Variants in CSMD1 observed in about 807,000 individuals in gnomAD.
The protein encoded by CSMD1 is CUB and sushi domain-containing protein 1.
Under a neutral mutation model 417.5 loss-of-function variants are expected in CSMD1, and 213 were observed. That is an observed-to-expected ratio of 0.51 (90% CI 0.46 to 0.57). The LOEUF is 0.57. Among genes scored for constraint, CSMD1 ranks in the 20% least tolerant of loss-of-function variants. The pLI is 0.00. For synonymous variants in CSMD1, 2,862 were observed against 1,736.8 expected (o/e 1.65, Z -16.11); for missense variants, 6,923 against 4,529.7 (o/e 1.53, Z -15.17).
chr8:4,981,269 C>G (rs920429394), intron 1 of CSMD1, among the ~76,000 whole-genome samples: 2 of 152,204 alleles, frequency 1.3e-5, no homozygotes, highest in African/African-American at 4.8e-5. Flanking sequence ...CATTTAAGCT[C>G]TGTCCAACTT....
At chr8:4,585,610 A>G (rs1799660121) in intron 2 of CSMD1, among the ~76,000 whole-genome samples, 1 of 152,164 alleles carries the variant, frequency 6.6e-6, no homozygotes, top group South Asian at 2.1e-4. Flanking sequence ...AAAGAGAAAA[A>G]TTTTAATCAT....
intron 2 of CSMD1, among the ~76,000 whole-genome samples, chr8:4,545,989 C>G (rs553886660): frequency 6.6e-6 from 1 of 152,122 alleles, no homozygotes; most frequent in Non-Finnish European, 1.5e-5. Flanking sequence ...CTTATGACCC[C>G]CTTCTACTGC....
chr8:4,703,832 G>C (rs1807740716), intron 1 of CSMD1, among the ~76,000 whole-genome samples: 1 of 152,148 alleles, frequency 6.6e-6, no homozygotes, highest in African/African-American at 2.4e-5. Context: ...TTTGGCACCA[G>C]GGACCAGTTC....
chr8:3,674,382 C>A (rs996267020), intron 7 of CSMD1, among the ~76,000 whole-genome samples: 4 of 151,942 alleles, frequency 2.6e-5, no homozygotes, highest in African/African-American at 9.7e-5. Flanking sequence ...TAAGTAGAAG[C>A]CATAATTTCC....
At chr8:3,546,668 G>A (rs1056595832) in intron 10 of CSMD1, among the ~76,000 whole-genome samples, 4 of 152,134 alleles carry the variant, frequency 2.6e-5, no homozygotes, top group East Asian at 1.9e-4. Context: ...TCATCAATGG[G>A]TAAAGATTGT....
At chr8:4,417,869 T>A (rs973157502) in intron 3 of CSMD1, among the ~76,000 whole-genome samples, 3 of 152,030 alleles carry the variant, frequency 2.0e-5, no homozygotes, top group Admixed American at 2.0e-4. Context: ...CCCATGACAT[T>A]TCCTTGGAAA....
chr8:3,260,616 C>G (rs1255093241), intron 26 of CSMD1, among the ~76,000 whole-genome samples: 1 of 151,198 alleles, frequency 6.6e-6, no homozygotes, highest in Non-Finnish European at 1.5e-5. Context: ...GAGGATGGCT[C>G]CAGTGCTTAG....
intron 3 of CSMD1, among the ~76,000 whole-genome samples, chr8:4,094,575 T>G (rs1317770978): frequency 6.6e-6 from 1 of 152,044 alleles, no homozygotes; most frequent in East Asian, 1.9e-4. Context: ...ATGAAAATAG[T>G]AATGGAGCAC....
At chr8:2,962,977 G>C (rs770480509) in intron 60 of CSMD1, among the ~76,000 whole-genome samples, 45 of 152,300 alleles carry the variant, frequency 3.0e-4, no homozygotes, top group South Asian at 6.2e-4. Flanking sequence ...GAGCCCGAGA[G>C]ATTGAGGCTG....
chr8:3,179,818 C>A (rs1424851088), intron 37 of CSMD1, among the ~76,000 whole-genome samples: 1 of 152,184 alleles, frequency 6.6e-6, no homozygotes, highest in East Asian at 1.9e-4. Context: ...TAAGTAACAT[C>A]CACAGTATCA....
chr8:4,702,021 C>T (rs1181254871), intron 1 of CSMD1, among the ~76,000 whole-genome samples: 1 of 152,166 alleles, frequency 6.6e-6, no homozygotes, highest in African/African-American at 2.4e-5. Flanking sequence ...GAAAACCAAA[C>T]ACCGCATCTT....
chr8:4,599,664 A>T (rs1231654265), intron 2 of CSMD1, among the ~76,000 whole-genome samples: 2 of 152,174 alleles, frequency 1.3e-5, no homozygotes, highest in Admixed American at 6.5e-5. Flanking sequence ...TGTAGGAATG[A>T]CATGCAAACT....
At chr8:4,246,508 A>G (rs543351951) in intron 3 of CSMD1, among the ~76,000 whole-genome samples, 3 of 152,304 alleles carry the variant, frequency 2.0e-5, no homozygotes, top group South Asian at 4.1e-4. Context: ...AGAAAATTGT[A>G]AGACCCTTGT....
chr8:3,130,275 G>A (rs1046925942), intron 41 of CSMD1, among the ~76,000 whole-genome samples: 4 of 152,150 alleles, frequency 2.6e-5, no homozygotes, highest in Non-Finnish European at 5.9e-5. Flanking sequence ...GGACAGTTGA[G>A]CAGGAAGATG....
chr8:3,999,047 CTA>C (rs1428729892), intron 4 of CSMD1, among the ~76,000 whole-genome samples: 1 of 149,546 alleles, frequency 6.7e-6, no homozygotes, highest in Non-Finnish European at 1.5e-5. Context: ...CTATATATAG[CTA>C]TGTTATATAT....
At chr8:4,396,690 G>A (rs574804292) in intron 3 of CSMD1, among the ~76,000 whole-genome samples, 1 of 151,586 alleles carries the variant, frequency 6.6e-6, no homozygotes, top group Non-Finnish European at 1.5e-5. Context: ...ATGGAATACC[G>A]ATCAGCCATA....
chr8:4,117,260 T>C (rs1410096433), intron 3 of CSMD1, among the ~76,000 whole-genome samples: 1 of 151,632 alleles, frequency 6.6e-6, no homozygotes, highest in Non-Finnish European at 1.5e-5. Flanking sequence ...TCATCTATAA[T>C]CCCAAGGAAC....
chr8:3,953,059 A>C (rs1811696572), intron 5 of CSMD1, among the ~76,000 whole-genome samples: 1 of 152,140 alleles, frequency 6.6e-6, no homozygotes, highest in African/African-American at 2.4e-5. Context: ...AATGAAAAGA[A>C]CAGAAAAGAA....
chr8:4,907,655 G>T (rs1044051080), intron 1 of CSMD1, among the ~76,000 whole-genome samples: 1 of 151,924 alleles, frequency 6.6e-6, no homozygotes, highest in Non-Finnish European at 1.5e-5. Context: ...AATTTTCCAG[G>T]CTCTAATGAT....
Sources: allele counts gnomAD v4.1 joint callset (sites outside exome capture counted in the v4.1 genomes callset), GRCh38; gene constraint gnomAD v4.1.1; transcripts MANE v1.5; gene names NCBI Gene and HGNC (gene_info 2026-07-23, HGNC 2026-07-21).